The following SFMBT2 variants were observed in gnomAD, a reference collection of about 807,000 sequenced individuals.
The protein encoded by SFMBT2 is scm-like with four MBT domains protein 2.
SFMBT2 carries 38 observed loss-of-function variants against 110.1 expected under a neutral mutation model. The ratio of observed to expected loss-of-function variants is 0.35; its 90% confidence interval spans 0.27 to 0.45. The LOEUF is 0.45. Among genes scored for constraint, SFMBT2 ranks in the 20% least tolerant of loss-of-function variants. The probability of loss-of-function intolerance (pLI) is 1.00; values close to 1 mark genes in which losing one functional copy is unlikely to be tolerated. For synonymous variants in SFMBT2, 425 were observed against 425.4 expected, an observed-to-expected ratio of 1.00 and a Z score of 0.01; for missense variants, 1,011 against 1,094.9, an observed-to-expected ratio of 0.92 and a Z score of 1.08.
At chr10:7,196,176 A>G (rs1588791213) in intron 15 of SFMBT2, among the ~76,000 whole-genome samples, 1 of 152,142 alleles carries the variant, frequency 6.6e-6, no homozygotes, top group South Asian at 2.1e-4. Context: ...TTCAAGTCCA[A>G]ATCACTTAAA....
intron 16 of SFMBT2, among the ~76,000 whole-genome samples, chr10:7,186,816 A>C (rs1372322956): frequency 2.0e-5 from 3 of 152,230 alleles, no homozygotes; most frequent in African/African-American, 7.2e-5. Context: ...GTATCAGAGC[A>C]GGAGAGCTCC....
At chr10:7,373,316 G>A (rs1439455433) in intron 2 of SFMBT2, among the ~76,000 whole-genome samples, 1 of 152,202 alleles carries the variant, frequency 6.6e-6, no homozygotes, top group Non-Finnish European at 1.5e-5. Flanking sequence ...CTCACCAGAT[G>A]CAGCTGCCCG....
chr10:7,313,632 T>C (rs1046588196), intron 4 of SFMBT2, among the ~76,000 whole-genome samples: 1 of 151,998 alleles, frequency 6.6e-6, no homozygotes, highest in Non-Finnish European at 1.5e-5. Flanking sequence ...GGGTTTTTTG[T>C]TTTTGTTTTT....
chr10:7,273,075 G>A (rs189936044), intron 7 of SFMBT2, among the ~76,000 whole-genome samples: 101 of 152,312 alleles, frequency 6.6e-4, no homozygotes, highest in Non-Finnish European at 1.1e-3. Context: ...GCTTACAGGC[G>A]TGAGCCACCA....
At chr10:7,200,092 T>C (rs1233062602) in intron 14 of SFMBT2, among the ~76,000 whole-genome samples, 1 of 152,140 alleles carries the variant, frequency 6.6e-6, no homozygotes, top group Non-Finnish European at 1.5e-5. Flanking sequence ...CCTAATGAGA[T>C]GATATTTTCA....
At chr10:7,398,965 G>A (rs1196320007) in intron 1 of SFMBT2, among the ~76,000 whole-genome samples, 1 of 152,218 alleles carries the variant, frequency 6.6e-6, no homozygotes, top group East Asian at 1.9e-4. Context: ...AATTTTCTGG[G>A]TGGATTTTAA....
At chr10:7,380,915 G>A (rs766762754) in intron 2 of SFMBT2, among the ~76,000 whole-genome samples, 21 of 152,038 alleles carry the variant, frequency 1.4e-4, no homozygotes, top group South Asian at 2.1e-4. Flanking sequence ...CAGGCACAGT[G>A]GGACACACCT....
chr10:7,350,253 T>A (rs548636284), intron 4 of SFMBT2, among the ~76,000 whole-genome samples: 3 of 151,778 alleles, frequency 2.0e-5, no homozygotes, highest in African/African-American at 7.3e-5. Flanking sequence ...GCTGATGGGG[T>A]CTTGTCTGTT....
rs1347817297 is a variant in SFMBT2 at position 7,315,015 on chromosome 10, GAA to G, written c.437-29063_437-29062del. ...GAAAGAAAGAAAAGAAAGAAAGAAA[GAA>G]AAGAGAGAGAAAGAAAGAAAGAGAA... On this transcript the variant is annotated intron_variant, in intron 4 of 20. Transcript: ENST00000397167. Among the ~76,000 whole-genome samples the G allele has an allele frequency of 2.5e-5, 3 of 121,570 alleles. No homozygotes were observed. In the Admixed American group the frequency reaches 2.6e-4, roughly 10 times the overall value. The allele number at this position is 121,570 out of a possible 152,430, so 79.8% of individuals were successfully genotyped here. A position where few individuals can be genotyped will look rare whatever the true frequency, so the allele number is the denominator to read the frequency against.
At chr10:7,221,454 T>C (rs1839734334) in intron 10 of SFMBT2, among the ~76,000 whole-genome samples, 1 of 151,566 alleles carries the variant, frequency 6.6e-6, no homozygotes. Flanking sequence ...TAATCCCGGC[T>C]ACTCGGGAGG....
intron 4 of SFMBT2, among the ~76,000 whole-genome samples, chr10:7,325,157 G>A (rs368908834): frequency 1.8e-4 from 27 of 151,432 alleles, no homozygotes; most frequent in East Asian, 1.8e-3. Flanking sequence ...TAGTAGAGAC[G>A]GGGTTTCACC....
chr10:7,174,371 C>T (rs942611433), intron 17 of SFMBT2, among the ~76,000 whole-genome samples: 1 of 152,138 alleles, frequency 6.6e-6, no homozygotes, highest in Non-Finnish European at 1.5e-5. Flanking sequence ...GGGATGAGAA[C>T]TGGTTTTAGG....
intron 20 of SFMBT2, among the ~76,000 whole-genome samples, chr10:7,166,780 C>G (rs1437885042): frequency 6.6e-6 from 1 of 152,198 alleles, no homozygotes; most frequent in East Asian, 1.9e-4. Context: ...TGAAAGAACA[C>G]AGCTAGTTCC....
intron 12 of SFMBT2, chr10:7,204,624 A>G (rs1169055238): frequency 1.9e-6 from 1 of 528,346 alleles, no homozygotes; most frequent in Non-Finnish European, 2.4e-6. Context: ...GTGTAATTCC[A>G]GCACTTTGGG....
intron 7 of SFMBT2, chr10:7,249,605 C>T (rs893901569): frequency 1.4e-5 from 13 of 961,484 alleles, no homozygotes; most frequent in African/African-American, 3.5e-5. Context: ...ACCTGCAAAT[C>T]TAAAGTGGGT....
chr10:7,348,199 T>G, intron 4 of SFMBT2: 1 of 1,096,710 alleles, frequency 9.1e-7, no homozygotes, highest in Non-Finnish European at 1.3e-6. Context: ...GGTTGGTTTA[T>G]GTTTGAGGGT....
rs566222022 is a variant in SFMBT2, at chr10:7,279,493, CAACAG to C, written c.773-2509_773-2505del. ...ACAGCCTGACACAACCAGCAGAGAACAACAGTCCCCATGTGCATTCCGTGAGATGG... is the reference window on the plus strand; with the variant it reads ...ACAGCCTGACACAACCAGCAGAGAACTCCCCATGTGCATTCCGTGAGATGG... On this transcript the variant is annotated intron_variant, in intron 6 of 20. Coordinates refer to ENST00000397167, the MANE Select transcript of SFMBT2 (RefSeq NM_001387889.1). 1.7e-4 allele frequency among the ~76,000 whole-genome samples: 26 copies of C among 152,314 alleles called. 1 individual carries two copies. In the East Asian group the frequency reaches 5.0e-3, roughly 29 times the overall value.
chr10:7,171,786 C>T lies in SFMBT2; in HGVS notation c.2415+109G>A. 8.6e-7 allele frequency: 1 copy of T among 1,162,084 alleles called. No individual in the cohort carries two copies. The highest frequency in any genetic ancestry group is 1.1e-6 in the Non-Finnish European group (1 of 894,750). 72.0% of individuals were successfully genotyped at this position (1,162,084 alleles called of 1,614,324 possible). On this transcript the variant is annotated intron_variant, in intron 19 of 20. Transcript: ENST00000397167. This position sits in a 1 kb window ranked among gnomAD's most constrained non-coding sequence, Gnocchi z 4.9. ...TGGGAACTAGCTAGAGCAGCTGCTG[C>T]TGTTGGAGGTATTTTAAACAGGTTT...
chr10:7,342,649 T>G (rs568484428), intron 4 of SFMBT2, among the ~76,000 whole-genome samples: 29 of 152,146 alleles, frequency 1.9e-4, no homozygotes, highest in East Asian at 3.9e-4. Flanking sequence ...CGCCCGCCTC[T>G]GCCTCCCAAA....
Sources: gnomAD v4.1 joint callset for allele counts (sites outside exome capture counted in the v4.1 genomes callset) on GRCh38, gnomAD v4.1.1 for gene constraint, Gnocchi (gnomAD v3.1) non-coding constraint, MANE v1.5 for transcripts, NCBI Gene and HGNC (gene_info 2026-07-23, HGNC 2026-07-21) for gene names.